CLVS1: variants seen among roughly 807,000 people sequenced by gnomAD.
The protein encoded by CLVS1 is clavesin-1.
Under a neutral mutation model 33.1 loss-of-function variants are expected in CLVS1, and 10 were observed. The observed-to-expected ratio is 0.30, with a 90% CI of 0.19 to 0.51. The LOEUF is 0.51. Among genes scored for constraint, CLVS1 ranks in the 20% least tolerant of loss-of-function variants. The pLI is 0.97. For missense variants in CLVS1, 343 were observed against 433.4 expected, an observed-to-expected ratio of 0.79 and a Z score of 1.85; for synonymous variants, 163 against 166.1, an observed-to-expected ratio of 0.98 and a Z score of 0.14.
chr8:61,350,397 A>C (rs1259447700), intron 2 of CLVS1, among the ~76,000 whole-genome samples: 2 of 151,678 alleles, frequency 1.3e-5, no homozygotes, highest in Non-Finnish European at 2.9e-5. Flanking sequence ...TTCTCTTACA[A>C]CTCTTTGTAT....
intron 5 of CLVS1, among the ~76,000 whole-genome samples, chr8:61,493,340 A>G (rs969462725): frequency 1.3e-5 from 2 of 152,246 alleles, no homozygotes; most frequent in African/African-American, 4.8e-5. Flanking sequence ...ATGAATATCA[A>G]TCAATATTTC....
intron 1 of CLVS1, among the ~76,000 whole-genome samples, chr8:61,082,733 G>A (rs1002949292): frequency 3.3e-5 from 5 of 152,170 alleles, no homozygotes; most frequent in Non-Finnish European, 7.4e-5. Flanking sequence ...TTCTGTGTCT[G>A]GAGAGATTGT....
At chr8:61,005,931 T>G in the CLVS1 span, among the ~76,000 whole-genome samples, 1 of 152,210 alleles carries the variant, frequency 6.6e-6, no homozygotes, top group African/African-American at 2.4e-5. Context: ...TGACTAGTGC[T>G]GCCTCATTCT....
chr8:61,299,681 C>T lies in CLVS1; in HGVS notation c.-147C>T, dbSNP rs1479376074. 7 of 599,318 alleles carry T rather than the reference C, an allele frequency of 1.2e-5. No individual in the cohort carries two copies. The highest frequency in any genetic ancestry group is 2.1e-5 in the Non-Finnish European group (7 of 340,320). The allele number at this position is 599,318 out of a possible 1,614,324, so 37.1% of individuals were successfully genotyped here. A position where few individuals can be genotyped will look rare whatever the true frequency, so the allele number is the denominator to read the frequency against. On this transcript the variant is annotated 5_prime_UTR_variant, in exon 2 of 6. Coordinates refer to ENST00000325897, the MANE Select transcript of CLVS1 (RefSeq NM_173519.3). ...TTGTGTGTATTTGTTTTTCAGTAAG[C>T]AATGGCCTCAGTTTTGCTTCTGTTT...
chr8:60,967,166 A>G, the CLVS1 span, among the ~76,000 whole-genome samples: 63 of 152,346 alleles, frequency 4.1e-4, no homozygotes, highest in Non-Finnish European at 7.5e-4. Context: ...TTAAACCTAT[A>G]CTATGGATGT....
At chr8:61,364,792 C>A (rs1813126015) in intron 2 of CLVS1, among the ~76,000 whole-genome samples, 1 of 152,146 alleles carries the variant, frequency 6.6e-6, no homozygotes, top group Non-Finnish European at 1.5e-5. Context: ...GTATTGATCT[C>A]TTTATTAAAT....
chr8:60,971,611 C>T, the CLVS1 span, among the ~76,000 whole-genome samples: 1 of 152,078 alleles, frequency 6.6e-6, no homozygotes, highest in Non-Finnish European at 1.5e-5. Flanking sequence ...TGTTTATTGG[C>T]ATGGGGGTTG....
At chr8:61,240,917 A>C (rs1343354528) in intron 2 of CLVS1, among the ~76,000 whole-genome samples, 100 of 93,250 alleles carry the variant, frequency 1.1e-3, no homozygotes, top group African/African-American at 8.9e-3. Context: ...TTTTTAAAAT[A>C]GAGAACTATC....
chr8:61,457,548 A>G (rs553107749), intron 4 of CLVS1, among the ~76,000 whole-genome samples: 3 of 152,028 alleles, frequency 2.0e-5, no homozygotes, highest in Admixed American at 1.3e-4. Context: ...TATGTCCCCA[A>G]TCCAGACAAA....
chr8:61,436,637 ATTC>A (rs1436012894), intron 3 of CLVS1, among the ~76,000 whole-genome samples: 1 of 151,998 alleles, frequency 6.6e-6, no homozygotes, highest in African/African-American at 2.4e-5. Flanking sequence ...TCTGTCCTGG[ATTC>A]TTCTCATATT....
the CLVS1 span, among the ~76,000 whole-genome samples, chr8:60,979,783 GGTT>G: frequency 1.3e-5 from 2 of 152,160 alleles, no homozygotes; most frequent in African/African-American, 4.8e-5. Context: ...TCTAGGGAGA[GGTT>G]GTCACACTGT....
At position 61,204,004 on chromosome 8, in the gene CLVS1, G is replaced by A. The variant is rs938525890; in HGVS notation, c.-152+72144G>A. ...ACTCTTAAAATCATCCTGCCATGTA[G>A]AAGATATTGGCCCATTTTTCAGATG... On this transcript the variant is annotated intron_variant, in intron 2 of 2. Coordinates refer to the CLVS1 transcript ENST00000522621. Among the ~76,000 whole-genome samples the A allele has an allele frequency of 5.3e-5, 8 of 152,290 alleles. No homozygotes were observed. In the South Asian group the frequency reaches 1.5e-3, roughly 28 times the overall value.
At chr8:61,468,898 G>C (rs1041618158) in intron 5 of CLVS1, among the ~76,000 whole-genome samples, 63 of 152,148 alleles carry the variant, frequency 4.1e-4, no homozygotes, top group African/African-American at 1.5e-3. Flanking sequence ...GCACATGTTA[G>C]CTTCCCTTTT....
At chr8:61,083,874 G>A (rs938241344) in intron 1 of CLVS1, among the ~76,000 whole-genome samples, 9 of 152,106 alleles carry the variant, frequency 5.9e-5, no homozygotes, top group Non-Finnish European at 1.2e-4. Context: ...AATTCCTGGT[G>A]GGATTGATTG....
intron 2 of CLVS1, among the ~76,000 whole-genome samples, chr8:61,313,755 A>G (rs1446083816): frequency 6.6e-6 from 1 of 152,166 alleles, no homozygotes; most frequent in Non-Finnish European, 1.5e-5. Flanking sequence ...CTTCCCAACA[A>G]CAGCATTCCT....
chr8:61,339,792 A>G lies in CLVS1; in HGVS notation c.456-36813A>G, dbSNP rs1220791678. On this transcript the variant is annotated intron_variant, in intron 2 of 5. Transcript: ENST00000325897. The stretch of plus-strand genomic sequence containing the variant: ...GAGGGAAGGAAAGAAAACAAGAAAG[A>G]GAAAAAAGAGAGGAAGGAAAGGAGG... 2.7e-5 allele frequency among the ~76,000 whole-genome samples: 3 copies of G among 110,936 alleles called. No homozygotes were observed. The East Asian group carries it at 1.0e-3, about 39-fold the overall frequency. 72.8% of individuals were successfully genotyped at this position (110,936 alleles called of 152,430 possible). A position where few individuals can be genotyped will look rare whatever the true frequency, so the allele number is the denominator to read the frequency against.
intron 2 of CLVS1, among the ~76,000 whole-genome samples, chr8:61,253,247 C>T (rs1808990907): frequency 6.6e-6 from 1 of 152,282 alleles, no homozygotes; most frequent in Non-Finnish European, 1.5e-5. Context: ...TGAGAATTGG[C>T]CCCCACTCTC....
chr8:61,279,383 C>T (rs1233945563), intron 2 of CLVS1, among the ~76,000 whole-genome samples: 1 of 152,208 alleles, frequency 6.6e-6, no homozygotes, highest in African/African-American at 2.4e-5. Flanking sequence ...CTTTCCTATT[C>T]CCAAAGACCA....
chr8:61,383,609 A>G (rs990787407), intron 3 of CLVS1, among the ~76,000 whole-genome samples: 3 of 152,210 alleles, frequency 2.0e-5, no homozygotes, highest in African/African-American at 7.2e-5. Flanking sequence ...ATGTTATGAT[A>G]TGAATATTAG....
Sources: allele counts gnomAD v4.1 joint callset (sites outside exome capture counted in the v4.1 genomes callset), GRCh38; gene constraint gnomAD v4.1.1; transcripts MANE v1.5; gene names NCBI Gene and HGNC (gene_info 2026-07-23, HGNC 2026-07-21).